KIAA1217: variants seen among roughly 807,000 people sequenced by gnomAD.
The protein encoded by KIAA1217 is sickle tail protein homolog.
A neutral mutation model predicts 163.9 loss-of-function variants in KIAA1217; 88 were observed. That is an observed-to-expected ratio of 0.54 (90% confidence interval 0.45 to 0.64). The LOEUF is 0.64. KIAA1217 is among the 30% of genes least tolerant of loss of function. The probability of loss-of-function intolerance (pLI) is 0.00; values close to 1 mark genes in which losing one functional copy is unlikely to be tolerated. For synonymous variants in KIAA1217, 903 were observed against 923.1 expected (o/e 0.98, Z 0.39); for missense variants, 2,372 against 2,475.0 (o/e 0.96, Z 0.88).
chr10:23,720,555 C>A (rs145514921), intron 1 of KIAA1217, among the ~76,000 whole-genome samples: 14 of 152,018 alleles, frequency 9.2e-5, no homozygotes, highest in Admixed American at 8.5e-4. Context: ...GCATAAGAGG[C>A]GGGATATGAA....
chr10:24,449,839 T>A, intron 5 of KIAA1217: 1 of 755,282 alleles, frequency 1.3e-6, no homozygotes, highest in Non-Finnish European at 1.6e-6. Flanking sequence ...TATCTTTCAT[T>A]AACTTGTCTT....
intron 1 of KIAA1217, among the ~76,000 whole-genome samples, chr10:23,878,543 C>A (rs1057505986): frequency 6.6e-6 from 1 of 151,758 alleles, no homozygotes; most frequent in Non-Finnish European, 1.5e-5. Flanking sequence ...AGAATAAATA[C>A]ACAAATAAGT....
At chr10:24,070,827 A>G (rs935232614) in intron 2 of KIAA1217, among the ~76,000 whole-genome samples, 2 of 152,184 alleles carry the variant, frequency 1.3e-5, no homozygotes, top group African/African-American at 2.4e-5. Context: ...ATGCAAATGG[A>G]CAGTAGAAAA....
Position 24,271,031 on chromosome 10 carries a change from G to C in KIAA1217, c.354+51122G>C, listed in dbSNP as rs143628353. Among the ~76,000 whole-genome samples, 165 of 152,298 alleles carry C rather than the reference G, an allele frequency of 1.1e-3. 1 individual carries two copies. Among genetic ancestry groups the C allele is most frequent in the African/African-American group, 3.9e-3 (161 of 41,576 alleles). On this transcript the variant is annotated intron_variant, in intron 2 of 20. Transcript: ENST00000376454. ...TACAGGGTTTTCAAGTCATTATGGA[G>C]AAAATGATTGAGGTTCAGTGTCATT...
At chr10:24,214,598 C>T (rs2068577390) in intron 1 of KIAA1217, among the ~76,000 whole-genome samples, 1 of 152,178 alleles carries the variant, frequency 6.6e-6, no homozygotes, top group African/African-American at 2.4e-5. Context: ...AAAATGTGGT[C>T]TTCCTCTGTG....
chr10:24,018,710 A>C (rs1405632468), intron 2 of KIAA1217, among the ~76,000 whole-genome samples: 1 of 152,102 alleles, frequency 6.6e-6, no homozygotes, highest in African/African-American at 2.4e-5. Flanking sequence ...TACTGGGTAT[A>C]TATCCAAAGA....
In KIAA1217 at chr10:24,367,183, T is replaced by C. The variant is rs138626013; in HGVS notation, c.355-13686T>C. The C allele has an allele frequency of 1.5e-4, 149 of 985,126 alleles. No homozygotes were observed. The African/African-American group carries it at 2.3e-3, about 15-fold the overall frequency. The allele number at this position is 985,126 out of a possible 1,614,324, so 61.0% of individuals were successfully genotyped here. Reference sequence around the variant, plus strand: ...GACATTCAAAGGTACTTGATGAAAATTGAATCGTCTCAGCGAGTTAGTACT... The same window carrying C: ...GACATTCAAAGGTACTTGATGAAAACTGAATCGTCTCAGCGAGTTAGTACT... On this transcript the variant is annotated intron_variant, in intron 2 of 20. Coordinates refer to ENST00000376454, the MANE Select transcript of KIAA1217 (RefSeq NM_019590.5).
intron 1 of KIAA1217, among the ~76,000 whole-genome samples, chr10:23,911,098 TCTAGGATGCAGGTATCA>T (rs1842409609): frequency 6.6e-6 from 1 of 152,164 alleles, no homozygotes; most frequent in Admixed American, 6.6e-5. Flanking sequence ...GTATAAATAT[TCTAGGATGCAGGTATCA>T]CTATCCCAAT....
intron 2 of KIAA1217, among the ~76,000 whole-genome samples, chr10:24,120,590 TAGG>T (rs1219064811): frequency 6.6e-6 from 1 of 152,224 alleles, no homozygotes; most frequent in Non-Finnish European, 1.5e-5. Context: ...CCATGAAGAC[TAGG>T]AGTTTTCCTA....
chr10:24,537,007 T>C, intron 17 of KIAA1217, 114 bp downstream of exon 17: 2 of 1,236,222 alleles, frequency 1.6e-6, no homozygotes, highest in African/African-American at 1.5e-5. Flanking sequence ...TTCTCTCTCT[T>C]TTTTTTAACT....
At chr10:24,215,135 A>G (rs2068651399) in intron 1 of KIAA1217, among the ~76,000 whole-genome samples, 1 of 152,176 alleles carries the variant, frequency 6.6e-6, no homozygotes, top group African/African-American at 2.4e-5. Flanking sequence ...AGCTCCTTGG[A>G]TTCCTGAAGA....
chr10:23,917,890 G>A (rs1316007703), intron 1 of KIAA1217, among the ~76,000 whole-genome samples: 1 of 152,176 alleles, frequency 6.6e-6, no homozygotes, highest in African/African-American at 2.4e-5. Context: ...TTGCTTTAGG[G>A]TTTGTGGGAT....
rs111726524 is a variant in KIAA1217 at position 24,382,017 on chromosome 10, CTT to C, written c.553+963_553+964del. Among the ~76,000 whole-genome samples, 337 of 141,968 alleles carry C rather than the reference CTT, an allele frequency of 2.4e-3. 2 individuals are homozygous for C. Among genetic ancestry groups the C allele is most frequent in the African/African-American group, 7.6e-3 (297 of 38,898 alleles). 93.1% of individuals were successfully genotyped at this position (141,968 alleles called of 152,430 possible). ...TTATGATTTTACCACGTATCATTTC[CTT>C]TTTTTTTTTTTTGTATTGGAAGTTT... On this transcript the variant is annotated intron_variant, in intron 3 of 20. Coordinates refer to ENST00000376454, the MANE Select transcript of KIAA1217 (RefSeq NM_019590.5).
intron 1 of KIAA1217, among the ~76,000 whole-genome samples, chr10:23,798,628 G>A (rs758025958): frequency 1.4e-4 from 21 of 152,152 alleles, no homozygotes; most frequent in Non-Finnish European, 1.9e-4. Flanking sequence ...AGAGCTCCAT[G>A]GAGTTTGTTG....
At chr10:24,406,213 C>A (rs1273617303) in intron 3 of KIAA1217, among the ~76,000 whole-genome samples, 1 of 152,072 alleles carries the variant, frequency 6.6e-6, no homozygotes, top group African/African-American at 2.4e-5. Context: ...CTTCATCAAG[C>A]TATAAGCATA....
At chr10:23,824,345 G>A (rs1837767367) in intron 1 of KIAA1217, among the ~76,000 whole-genome samples, 1 of 151,120 alleles carries the variant, frequency 6.6e-6, no homozygotes, top group Non-Finnish European at 1.5e-5. Flanking sequence ...ATAAAGATAT[G>A]TAGGCCGGGC....
intron 2 of KIAA1217, chr10:24,158,306 C>T (rs2064970294): frequency 2.9e-6 from 2 of 696,536 alleles, no homozygotes; most frequent in Non-Finnish European, 5.5e-6. Context: ...CCTTTTTATA[C>T]TCAAGGAGAT....
chr10:24,289,021 A>T (rs12256972), intron 2 of KIAA1217, among the ~76,000 whole-genome samples: 2,985 of 152,314 alleles, frequency 0.02, 109 homozygotes, highest in African/African-American at 0.069. Context: ...GTGCCTGGGC[A>T]TGCCCATACA....
At chr10:24,097,913 A>G (rs531794413) in intron 2 of KIAA1217, among the ~76,000 whole-genome samples, 52 of 152,168 alleles carry the variant, frequency 3.4e-4, no homozygotes, top group African/African-American at 1.2e-3. Context: ...ACCAATGGGG[A>G]GGTACCTGCA....
Sources: allele counts gnomAD v4.1 joint callset (sites outside exome capture counted in the v4.1 genomes callset), GRCh38; gene constraint gnomAD v4.1.1; transcripts MANE v1.5; gene names NCBI Gene and HGNC (gene_info 2026-07-23, HGNC 2026-07-21).